Variants in PCCA observed in about 807,000 individuals in gnomAD.
PCCA encodes propionyl-CoA carboxylase subunit alpha.
Under a neutral mutation model 101.3 loss-of-function variants are expected in PCCA, and 74 were observed. That is an observed-to-expected ratio of 0.73 (90% confidence interval 0.61 to 0.89). The LOEUF is 0.89. PCCA is among the 40% of genes least tolerant of loss of function. The pLI is 0.00. For missense variants in PCCA, 891 were observed against 907.0 expected (o/e 0.98, Z 0.23); for synonymous variants, 294 against 313.6 (o/e 0.94, Z 0.66).
intron 4 of PCCA, among the ~76,000 whole-genome samples, chr13:100,115,049 T>G (rs1299107593): frequency 6.6e-6 from 1 of 152,136 alleles, no homozygotes; most frequent in African/African-American, 2.4e-5. Flanking sequence ...AACAGATGAA[T>G]GGATAAAGAA....
intron 19 of PCCA, among the ~76,000 whole-genome samples, chr13:100,406,290 TAAG>T (rs1356931983): frequency 4.3e-4 from 66 of 152,232 alleles, no homozygotes; most frequent in Non-Finnish European, 7.9e-4. Flanking sequence ...TATTTTGTCA[TAAG>T]TTAAGAACAC....
At chr13:100,388,052 T>C (rs548875518) in intron 19 of PCCA, among the ~76,000 whole-genome samples, 2 of 152,334 alleles carry the variant, frequency 1.3e-5, no homozygotes, top group East Asian at 3.9e-4. Context: ...AGAATAAAAC[T>C]TTCAGCGTTG....
chr13:100,166,929 T>A lies in PCCA; in HGVS notation c.468+9589T>A, dbSNP rs1235693384. On this transcript the variant is annotated intron_variant, in intron 6 of 23. Coordinates refer to ENST00000376285, the MANE Select transcript of PCCA (RefSeq NM_000282.4). ...CACCCTTTAAATTTAACTGTTATAC[T>A]ATGTAGTGATGTCTTATTGTGGTTT... is the stretch of plus-strand genomic sequence containing the variant. 2.6e-5 allele frequency among the ~76,000 whole-genome samples: 4 copies of A among 152,352 alleles called. No individual in the cohort carries two copies. The South Asian group carries it at 8.3e-4, about 32-fold the overall frequency.
At chr13:100,440,631 A>G (rs1294696338) in intron 20 of PCCA, among the ~76,000 whole-genome samples, 2 of 151,960 alleles carry the variant, frequency 1.3e-5, no homozygotes, top group Non-Finnish European at 2.9e-5. Flanking sequence ...TAATTGTCTT[A>G]TGTTTTCAGT....
At chr13:100,339,507 T>G (rs2070990107) in intron 17 of PCCA, among the ~76,000 whole-genome samples, 1 of 152,236 alleles carries the variant, frequency 6.6e-6, no homozygotes, top group Admixed American at 6.5e-5. Context: ...ACTCACAACC[T>G]TCTTGAAGAA....
intron 4 of PCCA, among the ~76,000 whole-genome samples, chr13:100,123,596 G>C (rs2049649010): frequency 6.6e-6 from 1 of 150,944 alleles, no homozygotes; most frequent in African/African-American, 2.4e-5. Context: ...GCTCTTTTCT[G>C]TACATTTTCT....
intron 18 of PCCA, among the ~76,000 whole-genome samples, chr13:100,367,320 G>A (rs549993993): frequency 7.0e-4 from 106 of 152,216 alleles, no homozygotes; most frequent in African/African-American, 2.4e-3. Flanking sequence ...TAGATATGGA[G>A]TCCTTTCTGG....
intron 2 of PCCA, chr13:100,104,513 C>T (rs1205932181): frequency 6.6e-6 from 1 of 152,284 alleles, no homozygotes; most frequent in Admixed American, 6.5e-5. Context: ...GCACTACTCT[C>T]CCCTGCTGCC....
intron 20 of PCCA, among the ~76,000 whole-genome samples, chr13:100,426,359 G>GA (rs397940109): frequency 0.13 from 18,911 of 141,364 alleles, 3,923 homozygotes; most frequent in African/African-American, 0.44. Flanking sequence ...AGCGTTTTAG[G>GA]AAAAAAAAAA....
At chr13:100,216,306 T>C (rs894279771) in intron 7 of PCCA, among the ~76,000 whole-genome samples, 2 of 152,168 alleles carry the variant, frequency 1.3e-5, no homozygotes, top group Admixed American at 1.3e-4. Context: ...TGCTACTGAA[T>C]AAACACCGAG....
intron 19 of PCCA, among the ~76,000 whole-genome samples, chr13:100,403,299 C>G (rs1303755351): frequency 6.6e-6 from 1 of 152,122 alleles, no homozygotes; most frequent in Non-Finnish European, 1.5e-5. Flanking sequence ...AAACAACACT[C>G]AGTTATTGGC....
intron 7 of PCCA, among the ~76,000 whole-genome samples, chr13:100,232,475 G>A (rs1420395751): frequency 6.6e-6 from 1 of 151,384 alleles, no homozygotes; most frequent in Non-Finnish European, 1.5e-5. Flanking sequence ...TGACCTCCTG[G>A]GCTCATGCAA....
chr13:100,209,250 G>A lies in PCCA; in HGVS notation c.469-82G>A, dbSNP rs184036527. ...AAAATAATTAGAAAATACACATATG[G>A]GCTTTTCTTTTATAAAATTGTGACT... On this transcript the variant is annotated intron_variant, in intron 6 of 23. Coordinates refer to ENST00000376285, the MANE Select transcript of PCCA (RefSeq NM_000282.4). 4.8e-5 allele frequency: 57 copies of A among 1,185,382 alleles called. No homozygotes were observed. In the Middle Eastern group the frequency reaches 7.7e-4, roughly 16 times the overall value. 73.4% of individuals were successfully genotyped at this position (1,185,382 alleles called of 1,614,324 possible). A position where few individuals can be genotyped will look rare whatever the true frequency, so the allele number is the denominator to read the frequency against.
Position 100,103,399 on chromosome 13 carries a change from C to T in PCCA, c.183+439C>T, listed in dbSNP as rs540390522. Among the ~76,000 whole-genome samples the T allele has an allele frequency of 1.7e-3, 263 of 151,252 alleles. 1 individual carries two copies. Among genetic ancestry groups the T allele is most frequent in the African/African-American group, 6.0e-3 (249 of 41,158 alleles). On this transcript the variant is annotated intron_variant, in intron 2 of 23. Transcript: ENST00000376285. ...TGATCTAGGCTCACTGCAACCTACG[C>T]CTCTGGGGTTCAAACAATTCTCCCA...
intron 19 of PCCA, among the ~76,000 whole-genome samples, chr13:100,422,127 C>CT (rs1567109750): frequency 4.0e-5 from 3 of 74,750 alleles, no homozygotes; most frequent in African/African-American, 1.2e-4. Context: ...TCTTTTCTTT[C>CT]TTTCTTTCTT....
intron 8 of PCCA, among the ~76,000 whole-genome samples, chr13:100,236,195 A>G (rs2152522725): frequency 6.6e-6 from 1 of 152,320 alleles, no homozygotes; most frequent in East Asian, 1.9e-4. Context: ...ACATAGTTGA[A>G]TGTGGTTTGT....
At chr13:100,332,974 G>C (rs1372866777) in intron 17 of PCCA, among the ~76,000 whole-genome samples, 2 of 152,132 alleles carry the variant, frequency 1.3e-5, no homozygotes, top group Non-Finnish European at 2.9e-5. Flanking sequence ...ACTCCTATTT[G>C]AGTAGTCTTT....
At chr13:100,277,283 T>C (rs2063731533) in intron 12 of PCCA, among the ~76,000 whole-genome samples, 1 of 152,236 alleles carries the variant, frequency 6.6e-6, no homozygotes, top group African/African-American at 2.4e-5. Context: ...TTCGTGGTTA[T>C]GCTTTTGATT....
chr13:100,373,006 A>G (rs949503707), intron 19 of PCCA, among the ~76,000 whole-genome samples: 4 of 152,228 alleles, frequency 2.6e-5, no homozygotes, highest in African/African-American at 9.6e-5. Flanking sequence ...GGCCTCCCAA[A>G]GTGCTGGGAT....
Sources: gnomAD v4.1 joint callset for allele counts (sites outside exome capture counted in the v4.1 genomes callset) on GRCh38, gnomAD v4.1.1 for gene constraint, MANE v1.5 for transcripts, NCBI Gene and HGNC (gene_info 2026-07-23, HGNC 2026-07-21) for gene names.